The following ACYP2 variants were observed in gnomAD, a reference collection of about 807,000 sequenced individuals.
ACYP2 encodes acylphosphatase-2.
A neutral mutation model predicts 11.2 loss-of-function variants in ACYP2; 12 were observed. The observed-to-expected ratio is 1.08, with a 90% CI of 0.69 to 1.74. The LOEUF is 1.74. Among genes scored for constraint, ACYP2 ranks in the 40% most tolerant of loss-of-function variants. The pLI, the probability that ACYP2 is intolerant of heterozygous loss-of-function variation, is 0.00. For synonymous variants in ACYP2, 43 were observed against 32.2 expected, an observed-to-expected ratio of 1.33 and a Z score of -1.13; for missense variants, 134 against 101.9, an observed-to-expected ratio of 1.31 and a Z score of -1.35.
intron 6 of ACYP2, among the ~76,000 whole-genome samples, chr2:54,196,696 C>T (rs771619454): frequency 3.3e-5 from 5 of 152,172 alleles, no homozygotes; most frequent in Non-Finnish European, 5.9e-5. Flanking sequence ...GGCCTTCACC[C>T]TCTAGTTGCA....
At chr2:54,255,649 C>A in intron 6 of ACYP2, 2 of 1,613,790 alleles carry the variant, frequency 1.2e-6, no homozygotes, top group Non-Finnish European at 1.7e-6. Flanking sequence ...CATTTCTTCG[C>A]CTCCTGGCTT....
chr2:54,214,969 C>A (rs6720696), intron 6 of ACYP2, among the ~76,000 whole-genome samples: 13,041 of 152,136 alleles, frequency 0.086, 1,844 homozygotes, highest in African/African-American at 0.3. Context: ...CTTTCACCTT[C>A]CTAGTTAGCT....
chr2:54,032,170 C>G (rs1277781993), intron 2 of ACYP2, among the ~76,000 whole-genome samples: 1 of 152,140 alleles, frequency 6.6e-6, no homozygotes, highest in East Asian at 1.9e-4. Flanking sequence ...GTTGCCATTG[C>G]TTTTGGTGTT....
intron 4 of ACYP2, among the ~76,000 whole-genome samples, chr2:54,112,630 C>G (rs111328968): frequency 7.9e-5 from 12 of 152,166 alleles, no homozygotes; most frequent in African/African-American, 2.9e-4. Context: ...GTTTATCCAC[C>G]TAATGTGATT....
intron 6 of ACYP2, 107 bp downstream of exon 3, chr2:54,138,855 C>A: frequency 2.4e-6 from 2 of 841,294 alleles, no homozygotes; most frequent in Non-Finnish European, 3.8e-6. Flanking sequence ...TGCAGTGGCA[C>A]AATCTCGGCT....
chr2:54,278,169 A>G (rs1688692996), intron 6 of ACYP2, among the ~76,000 whole-genome samples: 2 of 152,056 alleles, frequency 1.3e-5, no homozygotes, highest in South Asian at 4.2e-4. Flanking sequence ...TAGTAGAGAC[A>G]GGGTTTCACC....
intron 6 of ACYP2, among the ~76,000 whole-genome samples, chr2:54,145,503 T>C (rs1681838962): frequency 6.6e-6 from 1 of 152,196 alleles, no homozygotes; most frequent in African/African-American, 2.4e-5. Flanking sequence ...TGATGGGATT[T>C]TCAAACACAT....
At chr2:54,206,214 A>C (rs926757333) in intron 6 of ACYP2, among the ~76,000 whole-genome samples, 2 of 152,182 alleles carry the variant, frequency 1.3e-5, no homozygotes, top group African/African-American at 4.8e-5. Flanking sequence ...TTGGATTTTA[A>C]GTTTGGGGCC....
intron 6 of ACYP2, among the ~76,000 whole-genome samples, chr2:54,262,590 C>T (rs938331574): frequency 2.0e-5 from 3 of 152,060 alleles, no homozygotes; most frequent in South Asian, 2.1e-4. Flanking sequence ...TTTTTTGGAG[C>T]AAATTTTTTC....
At chr2:54,293,328 A>G (rs1339368240) in intron 6 of ACYP2, among the ~76,000 whole-genome samples, 2 of 152,198 alleles carry the variant, frequency 1.3e-5, no homozygotes, top group Non-Finnish European at 1.5e-5. Context: ...GCGGTGCGGC[A>G]AGGAAGTTAC....
chr2:54,227,200 G>C (rs1686043917), intron 6 of ACYP2, among the ~76,000 whole-genome samples: 1 of 152,190 alleles, frequency 6.6e-6, no homozygotes. Flanking sequence ...TTGTCAAAGA[G>C]TGAGTAATAA....
intron 4 of ACYP2, among the ~76,000 whole-genome samples, chr2:54,079,549 T>C (rs1677532232): frequency 6.6e-6 from 1 of 152,178 alleles, no homozygotes; most frequent in South Asian, 2.1e-4. Context: ...GTCAGCTCCA[T>C]TGTCACTGTC....
intron 6 of ACYP2, among the ~76,000 whole-genome samples, chr2:54,249,328 G>C (rs559861198): frequency 1.3e-5 from 2 of 152,024 alleles, no homozygotes; most frequent in East Asian, 3.9e-4. Flanking sequence ...TTGGAATAAG[G>C]GCGATTCCAA....
At chr2:54,256,231 A>G in intron 6 of ACYP2, 1 of 1,494,596 alleles carries the variant, frequency 6.7e-7, no homozygotes, top group Non-Finnish European at 9.0e-7. Flanking sequence ...CAAAATGGCG[A>G]GTAAACACCT....
intron 4 of ACYP2, among the ~76,000 whole-genome samples, chr2:54,132,238 G>C (rs1237951791): frequency 6.6e-6 from 1 of 151,918 alleles, no homozygotes; most frequent in Non-Finnish European, 1.5e-5. Context: ...TCTCCTACCT[G>C]GTCTGGTTGA....
chr2:53,978,285 C>T (rs1424895237), intron 2 of ACYP2, among the ~76,000 whole-genome samples: 5 of 150,390 alleles, frequency 3.3e-5, no homozygotes, highest in African/African-American at 9.7e-5. Context: ...AAAAGAACTT[C>T]TAATTCTAAA....
rs142535781 is a variant in ACYP2 at position 54,145,872 on chromosome 2, T to C, written c.404+7124T>C. 6.8e-3 allele frequency among the ~76,000 whole-genome samples: 1,040 copies of C among 152,310 alleles called. 24 individuals are homozygous for C. Among genetic ancestry groups the C allele is most frequent in the African/African-American group, 0.023 (958 of 41,556 alleles). ...GCATCACACAACCTGTCTGTCATGC[T>C]TTTTCCTGGAGGCCTGTCTTCCAGT... On this transcript the variant is annotated intron_variant, in intron 6 of 6. Coordinates refer to ENST00000607452, the MANE Select transcript of ACYP2 (RefSeq NM_001320586.2).
intron 6 of ACYP2, among the ~76,000 whole-genome samples, chr2:54,147,376 G>A (rs568427918): frequency 1.1e-4 from 16 of 152,244 alleles, no homozygotes; most frequent in Admixed American, 6.5e-4. Context: ...AGATCTATGC[G>A]TTCTGTCTTC....
intron 2 of ACYP2, among the ~76,000 whole-genome samples, chr2:53,982,105 T>C (rs1671792773): frequency 6.6e-6 from 1 of 151,886 alleles, no homozygotes; most frequent in East Asian, 1.9e-4. Context: ...AGTGAAGAGA[T>C]AATAACTAAT....
Sources: gnomAD v4.1 joint callset for allele counts (sites outside exome capture counted in the v4.1 genomes callset) on GRCh38, gnomAD v4.1.1 for gene constraint, MANE v1.5 for transcripts, NCBI Gene and HGNC (gene_info 2026-07-23, HGNC 2026-07-21) for gene names.